Variants in ANOS1 observed in about 807,000 individuals in gnomAD.
ANOS1 encodes anosmin-1.
Under a neutral mutation model 59.0 loss-of-function variants are expected in ANOS1, and 6 were observed. The ratio of observed to expected loss-of-function variants is 0.10; its 90% confidence interval spans 0.06 to 0.20. The LOEUF (loss-of-function observed/expected upper bound fraction) is 0.20, where lower values mean the gene tolerates loss of function less well. ANOS1 is among the 10% of genes least tolerant of loss of function. ANOS1 has a pLI of 1.00. For synonymous variants in ANOS1, 217 were observed against 223.4 expected, an observed-to-expected ratio of 0.97 and a Z score of 0.25; for missense variants, 433 against 542.3, an observed-to-expected ratio of 0.80 and a Z score of 2.00.
intron 1 of ANOS1, among the ~76,000 whole-genome samples, chrX:8,727,549 T>C (rs1228160095): frequency 8.9e-6 from 1 of 112,469 alleles, no homozygotes; most frequent in African/African-American, 3.2e-5. Flanking sequence ...GCCCATCTGC[T>C]GGGGGCAGGA....
chrX:8,636,442 A>G (rs751390317), intron 2 of ANOS1, among the ~76,000 whole-genome samples: 34 of 112,173 alleles, frequency 3.0e-4, no homozygotes, highest in Non-Finnish European at 5.3e-4. Flanking sequence ...TTATATCAGT[A>G]ATATATAAGA....
At chrX:8,671,638 T>C (rs1308164651) in intron 2 of ANOS1, among the ~76,000 whole-genome samples, 5 of 107,652 alleles carry the variant, frequency 4.6e-5, no homozygotes, top group East Asian at 2.8e-4. Flanking sequence ...ACTATATATA[T>C]AGTATATGCT....
rs138050192 is a variant in ANOS1 at position 8,587,880 on chromosome X, G to C, written c.640C>G (p.Pro214Ala). 2.2e-5 allele frequency: 27 copies of C among 1,203,694 alleles called. No individual in the cohort carries two copies. Among genetic ancestry groups the C allele is most frequent in the African/African-American group, 3.5e-5 (2 of 56,943 alleles). ...WSSKFNISIE[P>A]VIYVVQRRWN... ...CTTCTTTGTACCACATAGATCACAG[G>C]CTCAATAGAAATATTGAATTTCGAG... The change falls in exon 5 of 14, where the codon CCT (proline) becomes GCT (alanine). Residue 214 changes from proline to alanine, a missense_variant. Pro to Ala is a conservative substitution (Grantham distance 27, BLOSUM62 -1). Coordinates refer to ENST00000262648, the MANE Select transcript of ANOS1 (RefSeq NM_000216.4).
intron 3 of ANOS1, among the ~76,000 whole-genome samples, chrX:8,609,612 A>G (rs754622722): frequency 1.8e-5 from 2 of 111,668 alleles, no homozygotes; most frequent in South Asian, 7.5e-4. Context: ...CATTCCTCTC[A>G]TCAAATAACA....
At chrX:8,569,086 C>G (rs952630974) in intron 7 of ANOS1, among the ~76,000 whole-genome samples, 3 of 111,598 alleles carry the variant, frequency 2.7e-5, no homozygotes, top group Non-Finnish European at 5.6e-5. Context: ...TTTCTAGGAG[C>G]AAATTTCCAC....
At chrX:8,542,977 C>T (rs1231616559) in intron 9 of ANOS1, among the ~76,000 whole-genome samples, 1 of 111,275 alleles carries the variant, frequency 9.0e-6, no homozygotes, top group Non-Finnish European at 1.9e-5. Context: ...ACACTCCTCT[C>T]GTTCCCAATG....
intron 6 of ANOS1, among the ~76,000 whole-genome samples, chrX:8,573,735 T>C (rs1930272442): frequency 9.0e-6 from 1 of 110,962 alleles, no homozygotes; most frequent in African/African-American, 3.3e-5. Flanking sequence ...CCAACACATA[T>C]CCTACCACAC....
At chrX:8,623,560 T>C (rs1931335188) in intron 3 of ANOS1, 48 bp downstream of exon 3, 4 of 932,394 alleles carry the variant, frequency 4.3e-6, no homozygotes, top group South Asian at 2.0e-5. Flanking sequence ...CACGTAAGCA[T>C]AGTCAGATTT....
At chrX:8,588,735 A>G (rs776040361) in intron 4 of ANOS1, among the ~76,000 whole-genome samples, 18 of 112,571 alleles carry the variant, frequency 1.6e-4, no homozygotes, top group Non-Finnish European at 3.4e-4. Flanking sequence ...CCTTCTGTAC[A>G]TGCAAGTTGT....
chrX:8,633,986 A>T lies in ANOS1; in HGVS notation c.256-10316T>A, dbSNP rs537188949. 1.7e-4 allele frequency among the ~76,000 whole-genome samples: 19 copies of T among 112,286 alleles called. No individual in the cohort carries two copies. The South Asian group carries it at 6.3e-3, about 37-fold the overall frequency. ...TATAAAGAACATTATCGGGACAATC[A>T]GTGAAGTTTAAATATAAACCGTAGA... On this transcript the variant is annotated intron_variant, in intron 2 of 13. Coordinates refer to ENST00000262648, the MANE Select transcript of ANOS1 (RefSeq NM_000216.4).
intron 4 of ANOS1, among the ~76,000 whole-genome samples, chrX:8,594,701 C>CACACACAT (rs1555895628): frequency 9.8e-4 from 46 of 46,703 alleles, no homozygotes; most frequent in African/African-American, 3.8e-3. Flanking sequence ...TATATATACA[C>CACACACAT]ATATATATAC....
intron 2 of ANOS1, among the ~76,000 whole-genome samples, chrX:8,673,232 C>T (rs1358878609): frequency 2.8e-5 from 3 of 109,046 alleles, no homozygotes; most frequent in Non-Finnish European, 5.7e-5. Context: ...GTTCCATGCA[C>T]GGCAAACAAC....
Position 8,533,022 on chromosome X carries a change from A to G in ANOS1, c.2016T>C (p.His672=). Residue 672 remains histidine (H), a synonymous_variant, in exon 14 of 14, where the codon CAT becomes CAC. Transcript: ENST00000262648. ...AGTATCTTTCTGGAGAAGGCTTGTA[A>G]TGATGTGGATGACGATGCTTAAGAT... The part of the protein sequence containing the change: ...RSHLKHRHPH[H]YKPSPERY 8.5e-7 allele frequency: 1 copy of G among 1,171,120 alleles called. No homozygotes were observed.
chrX:8,589,230 T>C (rs1022576504), intron 4 of ANOS1, among the ~76,000 whole-genome samples: 2 of 112,145 alleles, frequency 1.8e-5, no homozygotes, highest in Admixed American at 1.9e-4. Context: ...GTCATTAATC[T>C]AAAAAAAGCT....
intron 3 of ANOS1, among the ~76,000 whole-genome samples, chrX:8,619,386 A>G (rs1398516200): frequency 9.0e-6 from 1 of 111,508 alleles, no homozygotes; most frequent in Non-Finnish European, 1.9e-5. Flanking sequence ...CGGGCGGATC[A>G]CAAGGTCAGG....
chrX:8,715,164 G>A (rs943023052), intron 1 of ANOS1, among the ~76,000 whole-genome samples: 1 of 112,300 alleles, frequency 8.9e-6, no homozygotes, highest in African/African-American at 3.2e-5. Flanking sequence ...TAGATGACTT[G>A]GAATTAAATG....
At chrX:8,603,313 G>C (rs958592676) in intron 3 of ANOS1, among the ~76,000 whole-genome samples, 1 of 111,540 alleles carries the variant, frequency 9.0e-6, no homozygotes, top group Non-Finnish European at 1.9e-5. Flanking sequence ...TTAACGAATA[G>C]ATATATGTCA....
intron 4 of ANOS1, among the ~76,000 whole-genome samples, chrX:8,593,654 T>C (rs1399151284): frequency 1.8e-5 from 2 of 111,698 alleles, no homozygotes; most frequent in Non-Finnish European, 3.8e-5. Context: ...AGTTGGCCTA[T>C]TAGATAGACA....
chrX:8,666,393 A>G (rs959671818), intron 2 of ANOS1, among the ~76,000 whole-genome samples: 5 of 111,770 alleles, frequency 4.5e-5, no homozygotes, highest in African/African-American at 1.3e-4. Flanking sequence ...ACTATTATCA[A>G]TTCAACAACT....
Sources: gnomAD v4.1 joint callset for allele counts (sites outside exome capture counted in the v4.1 genomes callset) on GRCh38, gnomAD v4.1.1 for gene constraint, MANE v1.5 for transcripts, NCBI Gene and HGNC (gene_info 2026-07-23, HGNC 2026-07-21) for gene names.